The following CLEC16A variants were observed in gnomAD, a reference collection of about 807,000 sequenced individuals.
CLEC16A encodes the protein protein CLEC16A.
Under a neutral mutation model 109.5 loss-of-function variants are expected in CLEC16A, and 51 were observed. The observed-to-expected ratio is 0.47, with a 90% CI of 0.37 to 0.59. The LOEUF (loss-of-function observed/expected upper bound fraction) is 0.59, where lower values mean the gene tolerates loss of function less well. Ranked by LOEUF, CLEC16A falls within the 20% of genes least tolerant of loss-of-function variation. The pLI is 0.00. For missense variants in CLEC16A, 1,339 were observed against 1,394.0 expected (o/e 0.96, Z 0.63); for synonymous variants, 673 against 564.2 (o/e 1.19, Z -2.73).
intron 10 of CLEC16A, among the ~76,000 whole-genome samples, chr16:10,990,425 A>G (rs2043935029): frequency 6.6e-6 from 1 of 152,232 alleles, no homozygotes; most frequent in South Asian, 2.1e-4. Flanking sequence ...GGTGGGCTGG[A>G]CAACTGAGGA....
At chr16:11,004,909 C>T (rs2044900450) in intron 11 of CLEC16A, among the ~76,000 whole-genome samples, 1 of 152,100 alleles carries the variant, frequency 6.6e-6, no homozygotes, top group African/African-American at 2.4e-5. Flanking sequence ...AGGGGAAGGC[C>T]AAACCCAAGG....
chr16:10,948,991 G>A (rs2041581771), intron 1 of CLEC16A, among the ~76,000 whole-genome samples: 1 of 152,178 alleles, frequency 6.6e-6, no homozygotes, highest in African/African-American at 2.4e-5. Context: ...CTGGCCAAAG[G>A]TATAGGGGGA....
intron 19 of CLEC16A, among the ~76,000 whole-genome samples, chr16:11,112,418 G>C (rs1457890201): frequency 6.6e-6 from 1 of 151,368 alleles, no homozygotes; most frequent in African/African-American, 2.4e-5. Context: ...CCAGCACTTT[G>C]GGAGGCCAAG....
intron 20 of CLEC16A, among the ~76,000 whole-genome samples, chr16:11,122,844 T>C (rs1247591148): frequency 2.0e-5 from 3 of 151,858 alleles, no homozygotes; most frequent in Non-Finnish European, 2.9e-5. Flanking sequence ...TTCTCCACCT[T>C]TGAAACACAG....
At chr16:11,133,485 C>G (rs1384342406) in intron 22 of CLEC16A, among the ~76,000 whole-genome samples, 1 of 152,064 alleles carries the variant, frequency 6.6e-6, no homozygotes. Context: ...GGAAAAGCCT[C>G]GCCGGTTCCA....
intron 19 of CLEC16A, among the ~76,000 whole-genome samples, chr16:11,106,456 ATT>A (rs538713695): frequency 1.4e-4 from 19 of 133,500 alleles, no homozygotes; most frequent in Non-Finnish European, 2.4e-4. Context: ...ACCCAGCCCA[ATT>A]TTTTTTTTTT....
At chr16:11,009,276 CT>C (rs1223805358) in intron 11 of CLEC16A, among the ~76,000 whole-genome samples, 2 of 152,170 alleles carry the variant, frequency 1.3e-5, no homozygotes, top group East Asian at 3.9e-4. Context: ...CCTTCTCTTT[CT>C]TTTTTTTAGG....
rs2047512456 is a variant in CLEC16A at position 11,044,269 on chromosome 16, A to G, written c.1815+197A>G. On this transcript the variant is annotated intron_variant, in intron 16 of 23. Coordinates refer to ENST00000409790, the MANE Select transcript of CLEC16A (RefSeq NM_015226.3). ...TTTCTGTCCAAGCTGTCTTATCAGT[A>G]AAATTTTTGAGGACTCAGCCCCAGT... 36 of 410,522 alleles carry G rather than the reference A, an allele frequency of 8.8e-5. No individual in the cohort carries two copies. The East Asian group carries it at 1.3e-3, about 15-fold the overall frequency. 25.4% of individuals were successfully genotyped at this position (410,522 alleles called of 1,614,324 possible).
At chr16:11,122,248 T>A (rs1011950650) in intron 20 of CLEC16A, among the ~76,000 whole-genome samples, 2 of 152,236 alleles carry the variant, frequency 1.3e-5, no homozygotes, top group Non-Finnish European at 2.9e-5. Flanking sequence ...GATCTTTCTA[T>A]TGTAAAAGTG....
chr16:11,091,654 G>A (rs1240578978), intron 19 of CLEC16A, among the ~76,000 whole-genome samples: 1 of 152,176 alleles, frequency 6.6e-6, no homozygotes, highest in African/African-American at 2.4e-5. Flanking sequence ...GGTGACCTCA[G>A]CACATGGCTT....
intron 1 of CLEC16A, among the ~76,000 whole-genome samples, chr16:10,951,583 G>A (rs1039034140): frequency 6.6e-5 from 10 of 152,162 alleles, no homozygotes; most frequent in Admixed American, 1.3e-4. Context: ...AGATGCCTCA[G>A]CTCCCAGAGC....
chr16:11,010,788 C>T (rs554917525), intron 11 of CLEC16A, among the ~76,000 whole-genome samples: 262 of 152,380 alleles, frequency 1.7e-3, no homozygotes, highest in African/African-American at 5.9e-3. Flanking sequence ...GTTGTCACGC[C>T]TCCAGCCTCC....
At chr16:11,140,395 T>C (rs918388511) in intron 22 of CLEC16A, among the ~76,000 whole-genome samples, 1 of 152,210 alleles carries the variant, frequency 6.6e-6, no homozygotes, top group African/African-American at 2.4e-5. Context: ...ATAGTTGACA[T>C]TTACAAAGTC....
chr16:11,094,706 C>T (rs1471987870), intron 19 of CLEC16A, among the ~76,000 whole-genome samples: 3 of 152,258 alleles, frequency 2.0e-5, no homozygotes. Flanking sequence ...AATATGCCTT[C>T]TCTCATTTCC....
At position 10,971,138 on chromosome 16, in the gene CLEC16A, T is replaced by A; in HGVS notation, c.506T>A (p.Phe169Tyr). ...HFFYNEHTND[F>Y]ALYTEAIKFF... is the part of the protein sequence containing the mutation. ...CTTTTGTTTTAGCACACCAATGACT[T>A]TGCCCTGTACACAGAAGCCATCAAG... Residue 169 changes from phenylalanine (F) to tyrosine (Y), a missense_variant, in exon 5 of 24, where the codon TTT becomes TAT. Around this residue, in one of 3 missense-constraint regions of CLEC16A, gnomAD observed 161 missense variants for 267.1 expected, o/e 0.60. Transcript: ENST00000409790. 1 of 1,612,962 alleles carries A rather than the reference T, an allele frequency of 6.2e-7. No individual in the cohort carries two copies. The highest frequency in any genetic ancestry group is 8.5e-7 in the Non-Finnish European group (1 of 1,179,022).
intron 19 of CLEC16A, among the ~76,000 whole-genome samples, chr16:11,108,798 C>G (rs1162777709): frequency 6.6e-6 from 1 of 152,066 alleles, no homozygotes; most frequent in Non-Finnish European, 1.5e-5. Context: ...GGTCTTGGTG[C>G]CAGCAGCCAT....
chr16:11,176,469 C>T (rs2068751115), intron 23 of CLEC16A, among the ~76,000 whole-genome samples: 1 of 152,126 alleles, frequency 6.6e-6, no homozygotes, highest in Non-Finnish European at 1.5e-5. Flanking sequence ...CACGGTGGTT[C>T]ACACCTGTGC....
chr16:11,009,365 C>T (rs1049813031), intron 11 of CLEC16A, among the ~76,000 whole-genome samples: 10 of 152,244 alleles, frequency 6.6e-5, no homozygotes, highest in African/African-American at 2.4e-4. Context: ...GGATTGCTTC[C>T]ACTTTTGGCT....
intron 19 of CLEC16A, among the ~76,000 whole-genome samples, chr16:11,101,207 A>C (rs530047673): frequency 4.1e-4 from 63 of 152,366 alleles, no homozygotes; most frequent in African/African-American, 1.3e-3. Flanking sequence ...AATGATAGGC[A>C]AAAACCTTCA....
Sources: gnomAD v4.1 joint callset for allele counts (sites outside exome capture counted in the v4.1 genomes callset) on GRCh38, gnomAD v4.1.1 for gene constraint, gnomAD v4.1.1 regional missense constraint, MANE v1.5 for transcripts, NCBI Gene and HGNC (gene_info 2026-07-23, HGNC 2026-07-21) for gene names.